NKAIN3: variants seen among roughly 807,000 people sequenced by gnomAD.
NKAIN3 encodes sodium/potassium transporting ATPase interacting 3, also known as sodium/potassium-transporting ATPase subunit beta-1-interacting protein 3.
NKAIN3 carries 25 observed loss-of-function variants against 30.2 expected under a neutral mutation model. That is an observed-to-expected ratio of 0.83 (90% CI 0.60 to 1.16). The LOEUF (loss-of-function observed/expected upper bound fraction) is 1.16, where lower values mean the gene tolerates loss of function less well. Among genes scored for constraint, NKAIN3 ranks in the 50% most tolerant of loss-of-function variants. The pLI is 0.00. For missense variants in NKAIN3, 225 were observed against 254.1 expected (o/e 0.89, Z 0.78); for synonymous variants, 91 against 89.6 (o/e 1.02, Z -0.09).
chr8:62,728,862 C>T (rs923173788), intron 3 of NKAIN3, among the ~76,000 whole-genome samples: 2 of 135,662 alleles, frequency 1.5e-5, no homozygotes, highest in African/African-American at 5.4e-5. Context: ...TGGTGGCGGG[C>T]GCCTATAGTC....
At chr8:62,884,508 C>T (rs1440822379) in intron 4 of NKAIN3, among the ~76,000 whole-genome samples, 3 of 152,158 alleles carry the variant, frequency 2.0e-5, no homozygotes, top group Non-Finnish European at 4.4e-5. Context: ...CTGCCCACCT[C>T]GGCCTCCCAA....
chr8:62,365,292 C>A (rs1376069179), intron 1 of NKAIN3, among the ~76,000 whole-genome samples: 1 of 152,056 alleles, frequency 6.6e-6, no homozygotes, highest in East Asian at 1.9e-4. Context: ...CACATTGCAG[C>A]ATTTGGTGTT....
chr8:62,280,981 T>G (rs974437536), intron 1 of NKAIN3, among the ~76,000 whole-genome samples: 2 of 152,194 alleles, frequency 1.3e-5, no homozygotes, highest in Non-Finnish European at 2.9e-5. Context: ...CTGGTAGAAT[T>G]CAGCTGTGAA....
chr8:62,669,637 G>A (rs1011176733), intron 3 of NKAIN3, among the ~76,000 whole-genome samples: 1 of 152,106 alleles, frequency 6.6e-6, no homozygotes, highest in Non-Finnish European at 1.5e-5. Flanking sequence ...TTATGTCAAA[G>A]ACCTAAGTGG....
At chr8:62,673,865 G>A (rs1813388320) in intron 3 of NKAIN3, among the ~76,000 whole-genome samples, 2 of 152,188 alleles carry the variant, frequency 1.3e-5, no homozygotes, top group African/African-American at 4.8e-5. Context: ...GCAGTCCATT[G>A]TTGACAGACA....
intron 1 of NKAIN3, among the ~76,000 whole-genome samples, chr8:62,399,109 A>T (rs1817854914): frequency 6.6e-6 from 1 of 152,092 alleles, no homozygotes; most frequent in Non-Finnish European, 1.5e-5. Context: ...AACAAAAAAA[A>T]ATTGTCAAAA....
chr8:62,305,222 AT>A (rs1164827282), intron 1 of NKAIN3, among the ~76,000 whole-genome samples: 4 of 149,690 alleles, frequency 2.7e-5, no homozygotes, highest in Admixed American at 2.6e-4. Flanking sequence ...ATCCATTTTT[AT>A]TGCTTCTTTA....
At chr8:62,614,521 C>A (rs952778623) in intron 3 of NKAIN3, among the ~76,000 whole-genome samples, 1 of 152,084 alleles carries the variant, frequency 6.6e-6, no homozygotes, top group East Asian at 1.9e-4. Context: ...CCTATGTTTA[C>A]TTAAGGCCCT....
Position 62,687,179 on chromosome 8 carries a change from G to C in NKAIN3, c.274-59753G>C, listed in dbSNP as rs1377751240. On this transcript the variant is annotated intron_variant, in intron 3 of 6. Transcript: ENST00000623646. ...ACATGATCACATTTGAATTGTTCAG[G>C]ACACAAATTAAACTTTTCTCATTAG... Among the ~76,000 whole-genome samples, 3 of 152,166 alleles carry C rather than the reference G, an allele frequency of 2.0e-5. No individual in the cohort carries two copies. The East Asian group carries it at 5.8e-4, about 29-fold the overall frequency.
intron 1 of NKAIN3, among the ~76,000 whole-genome samples, chr8:62,403,534 G>A (rs773232322): frequency 6.6e-6 from 1 of 152,228 alleles, no homozygotes; most frequent in Non-Finnish European, 1.5e-5. Flanking sequence ...GGCTGAAAGA[G>A]GTCAAGTTAC....
intron 1 of NKAIN3, among the ~76,000 whole-genome samples, chr8:62,535,839 C>A (rs1808643442): frequency 6.6e-6 from 1 of 152,132 alleles, no homozygotes. Context: ...ATGAGAGAGT[C>A]TTAAGACCCA....
At chr8:62,856,299 G>T (rs1820057378) in intron 4 of NKAIN3, 1 of 933,814 alleles carries the variant, frequency 1.1e-6, no homozygotes, top group African/African-American at 1.6e-5. Context: ...TAAATGCCCA[G>T]AGATCACTAT....
chr8:62,970,065 A>G lies in NKAIN3; in HGVS notation c.*4658A>G, dbSNP rs1823799656. The stretch of plus-strand genomic sequence containing the variant: ...ACAAATAAACAAAAAATACCTAAAA[A>G]AAAATTTAAATTAGCCAAGCATGGT... On this transcript the variant is annotated 3_prime_UTR_variant, in exon 7 of 7. Transcript: ENST00000623646. Among the ~76,000 whole-genome samples the G allele has an allele frequency of 6.6e-6, 1 of 152,038 alleles. No individual in the cohort carries two copies. Among genetic ancestry groups the G allele is most frequent in the Non-Finnish European group, 1.5e-5 (1 of 68,008 alleles).
chr8:62,739,780 G>T (rs1815804881), intron 3 of NKAIN3, among the ~76,000 whole-genome samples: 1 of 152,100 alleles, frequency 6.6e-6, no homozygotes, highest in Non-Finnish European at 1.5e-5. Context: ...AAAAATTCTA[G>T]CAATACCTAG....
intron 3 of NKAIN3, among the ~76,000 whole-genome samples, chr8:62,745,230 A>G (rs1416790958): frequency 6.6e-6 from 1 of 152,282 alleles, no homozygotes; most frequent in African/African-American, 2.4e-5. Flanking sequence ...ACTGAAGTGG[A>G]CACTGTCCTC....
At chr8:62,589,340 G>T (rs914057872) in intron 2 of NKAIN3, among the ~76,000 whole-genome samples, 2 of 151,654 alleles carry the variant, frequency 1.3e-5, no homozygotes, top group African/African-American at 2.4e-5. Context: ...CTTAAAATGT[G>T]ACAGTTTTAT....
intron 1 of NKAIN3, among the ~76,000 whole-genome samples, chr8:62,564,092 C>T (rs1440215802): frequency 1.3e-5 from 2 of 152,208 alleles, no homozygotes; most frequent in Admixed American, 6.6e-5. Context: ...CGGTGATTTT[C>T]TTCCCTGCTT....
At chr8:62,658,508 C>T (rs186921011) in intron 3 of NKAIN3, among the ~76,000 whole-genome samples, 1 of 152,066 alleles carries the variant, frequency 6.6e-6, no homozygotes, top group African/African-American at 2.4e-5. Flanking sequence ...ATGCGGTATA[C>T]CCATTCATAT....
chr8:62,915,199 A>G (rs1420092663), intron 4 of NKAIN3, among the ~76,000 whole-genome samples: 1 of 152,186 alleles, frequency 6.6e-6, no homozygotes, highest in Non-Finnish European at 1.5e-5. Flanking sequence ...AAAGATTTCC[A>G]CGTCCTCATC....
Sources: allele counts gnomAD v4.1 joint callset (sites outside exome capture counted in the v4.1 genomes callset), GRCh38; gene constraint gnomAD v4.1.1; transcripts MANE v1.5; gene names NCBI Gene and HGNC (gene_info 2026-07-23, HGNC 2026-07-21).